The following CRB1 variants were observed in gnomAD, a reference collection of about 807,000 sequenced individuals.
CRB1 encodes crumbs cell polarity complex component 1, also known as protein crumbs homolog 1.
CRB1 carries 83 observed loss-of-function variants against 120.0 expected under a neutral mutation model. The observed-to-expected ratio is 0.69, with a 90% CI of 0.58 to 0.83. The LOEUF is 0.83. Ranked by LOEUF, CRB1 falls within the 40% of genes least tolerant of loss-of-function variation. The probability of loss-of-function intolerance (pLI) is 0.00; values close to 1 mark genes in which losing one functional copy is unlikely to be tolerated. For missense variants in CRB1, 1,699 were observed against 1,687.6 expected (o/e 1.01, Z -0.12); for synonymous variants, 625 against 612.5 (o/e 1.02, Z -0.30).
chr1:197,293,250 C>T (rs558353501), intron 1 of CRB1, among the ~76,000 whole-genome samples: 1 of 152,252 alleles, frequency 6.6e-6, no homozygotes, highest in East Asian at 1.9e-4. Context: ...AAATCACAAG[C>T]ATTCTTATAC....
At position 197,350,607 on chromosome 1, in the gene CRB1, A is replaced by C. The variant is rs531223128; in HGVS notation, c.988+3128A>C. 2.6e-5 allele frequency among the ~76,000 whole-genome samples: 4 copies of C among 152,372 alleles called. No individual in the cohort carries two copies. The East Asian group carries it at 7.7e-4, about 29-fold the overall frequency. On this transcript the variant is annotated intron_variant, in intron 4 of 11. Coordinates refer to ENST00000367400, the MANE Select transcript of CRB1 (RefSeq NM_201253.3). ...ATAAAAGGTATCGTCCCTTCCTCCA[A>C]GGAGCCTAAATTCTAGTAGCGAGAC...
At chr1:197,437,350 T>C (rs1430025880) in intron 9 of CRB1, among the ~76,000 whole-genome samples, 1 of 152,164 alleles carries the variant, frequency 6.6e-6, no homozygotes, top group African/African-American at 2.4e-5. Context: ...TCCCAACAGG[T>C]AACCTGCCTG....
chr1:197,372,180 A>G (rs1301445073), intron 5 of CRB1, among the ~76,000 whole-genome samples: 2 of 152,168 alleles, frequency 1.3e-5, no homozygotes, highest in Admixed American at 6.5e-5. Context: ...AACCTGTAGT[A>G]TACATTTCAA....
At chr1:197,413,947 A>T (rs766285206) in intron 5 of CRB1, 1 of 457,122 alleles carries the variant, frequency 2.2e-6, no homozygotes, top group Non-Finnish European at 4.4e-6. Flanking sequence ...TTTAACAGAA[A>T]GATGTTTGGA....
the CRB1 span, among the ~76,000 whole-genome samples, chr1:197,247,713 C>A: frequency 6.6e-6 from 1 of 152,052 alleles, no homozygotes; most frequent in Non-Finnish European, 1.5e-5. Context: ...GTAAGCAGAA[C>A]TGTATCACAC....
rs140479900 is a variant in CRB1, at chr1:197,335,473, G to C, written c.652+6470G>C. On this transcript the variant is annotated intron_variant, in intron 2 of 11. Coordinates refer to ENST00000367400, the MANE Select transcript of CRB1 (RefSeq NM_201253.3). ...CCTTGTGGGAGAGAAGAGTGAAAGA[G>C]ACCTATCAAGTTTTTTGTTTCTTTT... 6.0e-4 allele frequency among the ~76,000 whole-genome samples: 91 copies of C among 152,124 alleles called. No homozygotes were observed. In the East Asian group the frequency reaches 0.016, roughly 27 times the overall value.
chr1:197,400,104 A>T (rs1662983802), intron 5 of CRB1, among the ~76,000 whole-genome samples: 2 of 152,122 alleles, frequency 1.3e-5, no homozygotes, highest in Non-Finnish European at 2.9e-5. Flanking sequence ...TGTGAGGACC[A>T]AGTCAATAAA....
Position 197,446,624 on chromosome 1 carries a change from A to C in CRB1, c.4005+4332A>C, listed in dbSNP as rs1665713958. On this transcript the variant is annotated intron_variant, in intron 11 of 11. Coordinates refer to ENST00000367400, the MANE Select transcript of CRB1 (RefSeq NM_201253.3). The stretch of plus-strand genomic sequence containing the variant: ...GATCACTTGGGCTTCTACATAGAGA[A>C]TGGCTTAAAAGAAAGGCAAGACTGG... 2.0e-5 allele frequency among the ~76,000 whole-genome samples: 3 copies of C among 152,198 alleles called. No individual in the cohort carries two copies. The South Asian group carries it at 6.2e-4, about 31-fold the overall frequency.
intron 2 of CRB1, among the ~76,000 whole-genome samples, chr1:197,335,710 G>C (rs1400147859): frequency 6.6e-6 from 1 of 152,150 alleles, no homozygotes; most frequent in Non-Finnish European, 1.5e-5. Context: ...ATGTTAGCCA[G>C]GGTGGCCTCG....
the CRB1 span, among the ~76,000 whole-genome samples, chr1:197,212,204 G>A: frequency 6.6e-6 from 1 of 152,010 alleles, no homozygotes; most frequent in South Asian, 2.1e-4. Context: ...TAGCACTTTG[G>A]AAAATAGTTG....
intron 7 of CRB1, among the ~76,000 whole-genome samples, chr1:197,428,584 C>T (rs531684878): frequency 2.0e-4 from 30 of 152,170 alleles, no homozygotes; most frequent in African/African-American, 7.0e-4. Flanking sequence ...AAAAAGGAAA[C>T]GCATTTCTGT....
In CRB1 at chr1:197,344,382, C is replaced by A. The variant is rs773025033; in HGVS notation, c.754C>A (p.Pro252Thr). 1.9e-6 allele frequency: 3 copies of A among 1,613,924 alleles called. No individual in the cohort carries two copies. Among genetic ancestry groups the A allele is most frequent in the Non-Finnish European group, 2.5e-6 (3 of 1,180,014 alleles). ...GGGGGCCTATTTCTGCGACTGTGCC[C>A]CTGGATTCCTGGGGGATCACTGTGA... ...ALGAYFCDCAPGFLGDHCELN... is the reference protein window; with the variant it reads ...ALGAYFCDCATGFLGDHCELN... The change falls in exon 3 of 12, where the codon CCT (proline) becomes ACT (threonine). Residue 252 changes from proline (P) to threonine (T), a missense_variant. Coordinates refer to ENST00000367400, the MANE Select transcript of CRB1 (RefSeq NM_201253.3).
chr1:197,414,293 T>C (rs1663859966), intron 5 of CRB1, among the ~76,000 whole-genome samples: 1 of 152,184 alleles, frequency 6.6e-6, no homozygotes, highest in African/African-American at 2.4e-5. Flanking sequence ...TATATATATC[T>C]AGGGTAAATT....
At chr1:197,329,147 C>T (rs1658707907) in intron 2 of CRB1, 144 bp downstream of exon 2, 12 of 764,018 alleles carry the variant, frequency 1.6e-5, no homozygotes, top group Non-Finnish European at 2.5e-5. Context: ...ATAGAAACTC[C>T]CTAAACTGCT....
intron 3 of CRB1, 27 bp downstream of exon 3, chr1:197,344,503 T>A (rs775162069): frequency 1.2e-6 from 2 of 1,601,590 alleles, no homozygotes; most frequent in South Asian, 2.2e-5. Flanking sequence ...GTTGGGTGAT[T>A]GGCTTAGAAC....
At chr1:197,329,382 C>A (rs1323847525) in intron 2 of CRB1, among the ~76,000 whole-genome samples, 3 of 152,150 alleles carry the variant, frequency 2.0e-5, no homozygotes, top group Non-Finnish European at 4.4e-5. Context: ...TCTGGGAAGG[C>A]AGTTTGGAAG....
intron 5 of CRB1, among the ~76,000 whole-genome samples, chr1:197,420,117 A>G (rs145108942): frequency 0.017 from 2,599 of 152,240 alleles, 71 homozygotes; most frequent in African/African-American, 0.059. Context: ...ATCTGCTTTG[A>G]AAACCTCAGA....
intron 2 of CRB1, among the ~76,000 whole-genome samples, chr1:197,339,230 G>T (rs893146735): frequency 4.6e-5 from 7 of 152,154 alleles, no homozygotes; most frequent in African/African-American, 1.7e-4. Context: ...TTATTAATCA[G>T]AGCAGGAAGT....
intron 1 of CRB1, among the ~76,000 whole-genome samples, chr1:197,328,175 C>G (rs931214890): frequency 6.6e-6 from 1 of 152,164 alleles, no homozygotes; most frequent in Non-Finnish European, 1.5e-5. Flanking sequence ...CCTATAACTT[C>G]TTTCTGTGTC....
Sources: gnomAD v4.1 joint callset for allele counts (sites outside exome capture counted in the v4.1 genomes callset) on GRCh38, gnomAD v4.1.1 for gene constraint, MANE v1.5 for transcripts, NCBI Gene and HGNC (gene_info 2026-07-23, HGNC 2026-07-21) for gene names.